PDE4D: variants seen among roughly 807,000 people sequenced by gnomAD.
PDE4D encodes 3',5'-cyclic-AMP phosphodiesterase 4D.
A neutral mutation model predicts 87.4 loss-of-function variants in PDE4D; 24 were observed. The observed-to-expected ratio is 0.27, with a 90% CI of 0.20 to 0.39. The LOEUF (loss-of-function observed/expected upper bound fraction) is 0.39, where lower values mean the gene tolerates loss of function less well. Among genes scored for constraint, PDE4D ranks in the 10% least tolerant of loss-of-function variants. The probability of loss-of-function intolerance (pLI) is 1.00; values close to 1 mark genes in which losing one functional copy is unlikely to be tolerated. For synonymous variants in PDE4D, 384 were observed against 383.2 expected (o/e 1.00, Z -0.02); for missense variants, 714 against 1,041.0 (o/e 0.69, Z 4.32).
intron 1 of PDE4D, among the ~76,000 whole-genome samples, chr5:60,412,754 T>A (rs1583668824): frequency 6.6e-6 from 1 of 152,240 alleles, no homozygotes; most frequent in East Asian, 1.9e-4. Context: ...TTTATGTCAA[T>A]TATTTTGGTT....
chr5:59,276,964 T>C (rs1000187494), intron 1 of PDE4D, among the ~76,000 whole-genome samples: 1 of 152,146 alleles, frequency 6.6e-6, no homozygotes, highest in Admixed American at 6.6e-5. Flanking sequence ...ACACAGAGGA[T>C]ATATACTCCT....
chr5:59,005,808 C>A (rs1443985711), intron 6 of PDE4D, among the ~76,000 whole-genome samples: 1 of 152,184 alleles, frequency 6.6e-6, no homozygotes, highest in Non-Finnish European at 1.5e-5. Flanking sequence ...GATTGAAATG[C>A]AAACCCAGTC....
At chr5:59,021,430 C>CT (rs1278666937) in intron 6 of PDE4D, among the ~76,000 whole-genome samples, 1 of 152,172 alleles carries the variant, frequency 6.6e-6, no homozygotes, top group Non-Finnish European at 1.5e-5. Flanking sequence ...TCTCCCAGCC[C>CT]TGTTGATTCA....
intron 1 of PDE4D, among the ~76,000 whole-genome samples, chr5:60,300,836 G>T (rs754821114): frequency 6.6e-6 from 1 of 151,610 alleles, no homozygotes; most frequent in Non-Finnish European, 1.5e-5. Context: ...GCAGTGGCAC[G>T]ATCTCAGCTC....
intron 1 of PDE4D, among the ~76,000 whole-genome samples, chr5:59,841,728 G>A (rs1743028601): frequency 6.6e-6 from 1 of 152,030 alleles, no homozygotes; most frequent in African/African-American, 2.4e-5. Flanking sequence ...GGAACAGAGA[G>A]AGCATCCTCA....
At chr5:60,207,210 A>G (rs1341130357) in intron 1 of PDE4D, among the ~76,000 whole-genome samples, 2 of 152,192 alleles carry the variant, frequency 1.3e-5, no homozygotes, top group Non-Finnish European at 2.9e-5. Flanking sequence ...AGGAAGGAAG[A>G]AAAGAAGAAG....
chr5:60,218,103 C>A (rs995162462), intron 1 of PDE4D, among the ~76,000 whole-genome samples: 1 of 151,910 alleles, frequency 6.6e-6, no homozygotes, highest in Admixed American at 6.6e-5. Context: ...AACAGACATT[C>A]ATAACTGAAA....
chr5:59,858,940 T>C (rs1290246128), intron 1 of PDE4D, among the ~76,000 whole-genome samples: 3 of 152,180 alleles, frequency 2.0e-5, no homozygotes, highest in Admixed American at 6.5e-5. Context: ...TATACGCTGG[T>C]TGATATTGAA....
intron 2 of PDE4D, among the ~76,000 whole-genome samples, chr5:60,089,417 G>T (rs1314810207): frequency 6.6e-6 from 1 of 151,750 alleles, no homozygotes; most frequent in Non-Finnish European, 1.5e-5. Flanking sequence ...TCCATGGAAA[G>T]AAAACAACAT....
intron 1 of PDE4D, among the ~76,000 whole-genome samples, chr5:60,243,246 T>C (rs1747337392): frequency 6.6e-6 from 1 of 151,764 alleles, no homozygotes; most frequent in South Asian, 2.1e-4. Context: ...CCTAGACACA[T>C]ACAACCTACA....
rs1406415716 is a variant in PDE4D, at chr5:59,496,339, G to T, written c.456-280371C>A. On this transcript the variant is annotated intron_variant, in intron 1 of 14. Coordinates refer to ENST00000340635, the MANE Select transcript of PDE4D (RefSeq NM_001104631.2). ...TTTTTATAGGCACAGGATGGTAGGG[G>T]GCATGGTAGGCTAGGTTGGTCTTGG... 3.3e-5 allele frequency among the ~76,000 whole-genome samples: 5 copies of T among 152,240 alleles called. No individual in the cohort carries two copies. The East Asian group carries it at 9.7e-4, about 29-fold the overall frequency.
chr5:59,985,764 A>G (rs182113849), intron 3 of PDE4D, among the ~76,000 whole-genome samples: 2 of 152,316 alleles, frequency 1.3e-5, no homozygotes, highest in African/African-American at 4.8e-5. Flanking sequence ...GGTCTACCAC[A>G]TGTACCAAAA....
intron 1 of PDE4D, among the ~76,000 whole-genome samples, chr5:59,391,646 A>G (rs1343742469): frequency 1.3e-5 from 2 of 152,058 alleles, no homozygotes; most frequent in Non-Finnish European, 2.9e-5. Flanking sequence ...AGATGAATAG[A>G]GCTCTGAGTC....
intron 1 of PDE4D, among the ~76,000 whole-genome samples, chr5:59,493,003 G>A (rs1312124359): frequency 2.0e-5 from 3 of 152,090 alleles, no homozygotes; most frequent in Admixed American, 6.6e-5. Context: ...TCTTCCTAGT[G>A]TCAAGGGTGT....
chr5:60,441,068 A>G (rs1320739136), intron 1 of PDE4D, among the ~76,000 whole-genome samples: 1 of 152,108 alleles, frequency 6.6e-6, no homozygotes, highest in African/African-American at 2.4e-5. Context: ...AATATCCTAG[A>G]GAAGAAACAA....
intron 1 of PDE4D, among the ~76,000 whole-genome samples, chr5:60,425,078 G>A (rs950199356): frequency 6.6e-6 from 1 of 152,134 alleles, no homozygotes; most frequent in Non-Finnish European, 1.5e-5. Flanking sequence ...TGGATGGGAA[G>A]AATCAATATT....
intron 1 of PDE4D, among the ~76,000 whole-genome samples, chr5:59,254,563 C>T (rs1346396073): frequency 6.6e-6 from 1 of 151,942 alleles, no homozygotes; most frequent in Non-Finnish European, 1.5e-5. Flanking sequence ...TCAAGAAGCC[C>T]CTGGCCTGAC....
chr5:60,316,357 G>T (rs1374872665), intron 1 of PDE4D, among the ~76,000 whole-genome samples: 1 of 152,160 alleles, frequency 6.6e-6, no homozygotes, highest in East Asian at 1.9e-4. Flanking sequence ...CTTTGCTGAA[G>T]TTGCCTATCA....
intron 2 of PDE4D, among the ~76,000 whole-genome samples, chr5:60,086,922 G>T (rs1056076502): frequency 6.6e-6 from 1 of 152,168 alleles, no homozygotes; most frequent in Non-Finnish European, 1.5e-5. Flanking sequence ...GTGCTGCAAG[G>T]GGGGGCACCA....
Sources: gnomAD v4.1 joint callset for allele counts (sites outside exome capture counted in the v4.1 genomes callset) on GRCh38, gnomAD v4.1.1 for gene constraint, MANE v1.5 for transcripts, NCBI Gene and HGNC (gene_info 2026-07-23, HGNC 2026-07-21) for gene names.